Variants in CMIP observed in about 807,000 individuals in gnomAD.
The protein encoded by CMIP is C-Maf-inducing protein.
CMIP carries 13 observed loss-of-function variants against 97.3 expected under a neutral mutation model. The observed-to-expected ratio is 0.13, with a 90% CI of 0.09 to 0.21. The LOEUF (loss-of-function observed/expected upper bound fraction) is 0.21. CMIP is among the 10% of genes least tolerant of loss of function. CMIP has a pLI of 1.00. For missense variants in CMIP, 847 were observed against 1,024.9 expected (o/e 0.83, Z 2.37); for synonymous variants, 538 against 436.3 (o/e 1.23, Z -2.91).
intron 3 of CMIP, among the ~76,000 whole-genome samples, chr16:81,632,701 G>A (rs1333748737): frequency 1.3e-5 from 2 of 152,214 alleles, no homozygotes; most frequent in Non-Finnish European, 2.9e-5. Context: ...GCACACTCCA[G>A]GGACCAGGGT....
chr16:81,523,177 C>T (rs907280709), intron 1 of CMIP, among the ~76,000 whole-genome samples: 2 of 152,198 alleles, frequency 1.3e-5, no homozygotes, highest in African/African-American at 4.8e-5. Flanking sequence ...GCCTTGGCCT[C>T]CCAAAGTGCT....
At chr16:81,514,957 A>G (rs2089884362) in intron 1 of CMIP, among the ~76,000 whole-genome samples, 1 of 151,204 alleles carries the variant, frequency 6.6e-6, no homozygotes, top group Non-Finnish European at 1.5e-5. Context: ...TGCGATGAAC[A>G]CTCCCCTGAG....
chr16:81,694,992 G>T (rs1906540229), intron 13 of CMIP, among the ~76,000 whole-genome samples: 1 of 152,190 alleles, frequency 6.6e-6, no homozygotes, highest in African/African-American at 2.4e-5. Flanking sequence ...ATTCTCCTGG[G>T]AACTGAGCCT....
At chr16:81,628,710 T>G (rs532383099) in intron 3 of CMIP, among the ~76,000 whole-genome samples, 1 of 152,282 alleles carries the variant, frequency 6.6e-6, no homozygotes, top group South Asian at 2.1e-4. Flanking sequence ...TCACACCTGA[T>G]GTGCACTTGG....
At chr16:81,532,691 T>G (rs2090262920) in intron 1 of CMIP, among the ~76,000 whole-genome samples, 1 of 152,128 alleles carries the variant, frequency 6.6e-6, no homozygotes. Context: ...TCCAGGAGCC[T>G]CCAAGGAAGG....
At chr16:81,637,982 C>G (rs927071447) in intron 3 of CMIP, among the ~76,000 whole-genome samples, 1 of 152,140 alleles carries the variant, frequency 6.6e-6, no homozygotes, top group African/African-American at 2.4e-5. Context: ...GGTGAGGGCT[C>G]CACCCTCATG....
At chr16:81,547,609 C>CGGG (rs1234121128) in intron 1 of CMIP, among the ~76,000 whole-genome samples, 2 of 148,790 alleles carry the variant, frequency 1.3e-5, no homozygotes, top group African/African-American at 2.6e-5. Flanking sequence ...GGGTGGGAAG[C>CGGG]GGGGGAGGAG....
intron 14 of CMIP, 31 bp downstream of exon 14, chr16:81,696,698 C>G: frequency 1.3e-6 from 2 of 1,587,240 alleles, no homozygotes; most frequent in Non-Finnish European, 1.7e-6. Context: ...GGGGTGACTT[C>G]CAGGGGTCCC....
At chr16:81,531,358 G>T (rs965397448) in intron 1 of CMIP, among the ~76,000 whole-genome samples, 2 of 152,208 alleles carry the variant, frequency 1.3e-5, no homozygotes, top group Non-Finnish European at 2.9e-5. Flanking sequence ...AATCAACCCT[G>T]TTGACATCTT....
chr16:81,706,238 C>T (rs866568440), intron 19 of CMIP, among the ~76,000 whole-genome samples: 2 of 152,160 alleles, frequency 1.3e-5, no homozygotes, highest in East Asian at 1.9e-4. Flanking sequence ...CGGGAAGACC[C>T]GTGGCTCAGT....
chr16:81,567,332 C>T (rs564706835), intron 1 of CMIP, among the ~76,000 whole-genome samples: 13 of 152,360 alleles, frequency 8.5e-5, no homozygotes, highest in African/African-American at 3.1e-4. Flanking sequence ...TGCTACAGGG[C>T]GGAATCCACT....
intron 1 of CMIP, among the ~76,000 whole-genome samples, chr16:81,458,492 A>G (rs1341891162): frequency 6.6e-6 from 1 of 152,156 alleles, no homozygotes; most frequent in Non-Finnish European, 1.5e-5. Context: ...TCTCAGTCCC[A>G]CTGGCCTCCA....
intron 1 of CMIP, among the ~76,000 whole-genome samples, chr16:81,488,508 GT>G (rs1280247059): frequency 6.6e-6 from 1 of 152,180 alleles, no homozygotes; most frequent in African/African-American, 2.4e-5. Flanking sequence ...CCACCTGCAG[GT>G]TTTGATTGTT....
chr16:81,538,832 C>A (rs1157584098), intron 1 of CMIP, among the ~76,000 whole-genome samples: 1 of 150,988 alleles, frequency 6.6e-6, no homozygotes, highest in Admixed American at 6.6e-5. Context: ...GTTTTTTTTT[C>A]ACAGGCAAGT....
chr16:81,626,931 T>C (rs2092079826), intron 3 of CMIP, among the ~76,000 whole-genome samples: 1 of 147,208 alleles, frequency 6.8e-6, no homozygotes, highest in African/African-American at 2.5e-5. Flanking sequence ...TGTTTGTGTA[T>C]GTGTGGTGTG....
chr16:81,676,907 A>G (rs189610956), intron 9 of CMIP, among the ~76,000 whole-genome samples: 32 of 152,178 alleles, frequency 2.1e-4, no homozygotes, highest in African/African-American at 6.7e-4. Context: ...GGACCCATGC[A>G]TGTGACACAT....
At chr16:81,669,008 C>T (rs1410296974) in intron 7 of CMIP, among the ~76,000 whole-genome samples, 1 of 149,038 alleles carries the variant, frequency 6.7e-6, no homozygotes, top group Non-Finnish European at 1.5e-5. Flanking sequence ...TCCTTCCACA[C>T]CCACCTCACA....
chr16:81,558,760 G>A (rs2090818399), intron 1 of CMIP, among the ~76,000 whole-genome samples: 1 of 152,162 alleles, frequency 6.6e-6, no homozygotes, highest in Non-Finnish European at 1.5e-5. Context: ...AGCTTTTCTT[G>A]GATTGTCTCA....
intron 3 of CMIP, among the ~76,000 whole-genome samples, chr16:81,629,633 TCTC>T (rs947643520): frequency 1.3e-5 from 2 of 152,166 alleles, no homozygotes; most frequent in African/African-American, 2.4e-5. Context: ...ACCTTGCAGT[TCTC>T]CTCCGAGGCT....
Sources: gnomAD v4.1 joint callset for allele counts (sites outside exome capture counted in the v4.1 genomes callset) on GRCh38, gnomAD v4.1.1 for gene constraint, MANE v1.5 for transcripts, NCBI Gene and HGNC (gene_info 2026-07-23, HGNC 2026-07-21) for gene names.